The following SPATA16 variants were observed in gnomAD, a reference collection of about 807,000 sequenced individuals.
SPATA16 encodes spermatogenesis associated 16, also known as spermatogenesis-associated protein 16.
SPATA16 carries 36 observed loss-of-function variants against 63.3 expected under a neutral mutation model. The observed-to-expected ratio is 0.57, with a 90% CI of 0.44 to 0.75. SPATA16 has a LOEUF of 0.75. Among genes scored for constraint, SPATA16 ranks in the 30% least tolerant of loss-of-function variants. SPATA16 has a pLI of 0.00. For synonymous variants in SPATA16, 203 were observed against 216.7 expected (o/e 0.94, Z 0.56); for missense variants, 646 against 679.3 (o/e 0.95, Z 0.54).
At chr3:172,972,589 G>A (rs1734072178) in intron 5 of SPATA16, among the ~76,000 whole-genome samples, 1 of 152,174 alleles carries the variant, frequency 6.6e-6, no homozygotes, top group African/African-American at 2.4e-5. Context: ...GCTTTGTAAT[G>A]GCTGATACCT....
chr3:173,075,799 G>A (rs1736787599), intron 2 of SPATA16, among the ~76,000 whole-genome samples: 1 of 152,090 alleles, frequency 6.6e-6, no homozygotes, highest in Non-Finnish European at 1.5e-5. Flanking sequence ...AGGATAAAGA[G>A]GGATGGTTAG....
At chr3:173,046,814 A>G (rs1285360991) in intron 3 of SPATA16, among the ~76,000 whole-genome samples, 1 of 152,008 alleles carries the variant, frequency 6.6e-6, no homozygotes, top group Non-Finnish European at 1.5e-5. Flanking sequence ...TATTAAAATC[A>G]TATGTATTGA....
At chr3:173,105,835 T>TTC (rs1737610347) in intron 2 of SPATA16, among the ~76,000 whole-genome samples, 1 of 151,874 alleles carries the variant, frequency 6.6e-6, no homozygotes, top group Middle Eastern at 3.4e-3. Flanking sequence ...CTTCTTTCCT[T>TTC]TCTCTCTCTC....
At chr3:173,028,036 TTCCTTCCTTC>T in intron 3 of SPATA16, among the ~76,000 whole-genome samples, 1 of 99,090 alleles carries the variant, frequency 1.0e-5, no homozygotes, top group Middle Eastern at 4.8e-3. Context: ...CCTTCCTTCC[TTCCTTCCTTC>T]CTTCCTTCCT....
At chr3:172,893,181 A>C (rs1731929535) in intron 10 of SPATA16, among the ~76,000 whole-genome samples, 1 of 152,220 alleles carries the variant, frequency 6.6e-6, no homozygotes, top group African/African-American at 2.4e-5. Flanking sequence ...CATAACCCCC[A>C]GTACTTTAGA....
intron 3 of SPATA16, among the ~76,000 whole-genome samples, chr3:173,027,917 G>T (rs1735488584): frequency 6.7e-6 from 1 of 148,672 alleles, no homozygotes; most frequent in Admixed American, 6.9e-5. Flanking sequence ...CACTACCCCA[G>T]GTACTTTAGA....
At chr3:172,974,446 C>T (rs965836754) in intron 5 of SPATA16, among the ~76,000 whole-genome samples, 96 of 151,900 alleles carry the variant, frequency 6.3e-4, no homozygotes, top group African/African-American at 2.2e-3. Context: ...GGTAGTGGGG[C>T]ATATGTATCT....
At chr3:173,104,708 G>A (rs1382102710) in intron 2 of SPATA16, among the ~76,000 whole-genome samples, 2 of 152,160 alleles carry the variant, frequency 1.3e-5, no homozygotes, top group South Asian at 4.1e-4. Context: ...GAGATTTGGA[G>A]GGGACATCCA....
intron 2 of SPATA16, among the ~76,000 whole-genome samples, chr3:173,100,428 A>C (rs563255620): frequency 5.9e-5 from 9 of 152,244 alleles, no homozygotes; most frequent in South Asian, 2.1e-4. Context: ...AACAAAAAAA[A>C]CCAGCTGGTG....
At chr3:172,948,101 T>C (rs1268181019) in intron 6 of SPATA16, among the ~76,000 whole-genome samples, 1 of 152,028 alleles carries the variant, frequency 6.6e-6, no homozygotes, top group Non-Finnish European at 1.5e-5. Context: ...TTTCCAAACC[T>C]AGAGAAAAAT....
At chr3:173,078,372 G>A (rs561606618) in intron 2 of SPATA16, among the ~76,000 whole-genome samples, 151 of 152,118 alleles carry the variant, frequency 9.9e-4, no homozygotes, top group African/African-American at 3.4e-3. Context: ...GACTCTTAAC[G>A]GTCAATGGCA....
At chr3:172,904,222 GATA>G (rs1343382744) in intron 10 of SPATA16, among the ~76,000 whole-genome samples, 1 of 152,164 alleles carries the variant, frequency 6.6e-6, no homozygotes, top group Non-Finnish European at 1.5e-5. Flanking sequence ...AATAATAACT[GATA>G]ATATCTGTCA....
chr3:173,063,745 TAAATG>T (rs1275548805), intron 2 of SPATA16, among the ~76,000 whole-genome samples: 1 of 152,200 alleles, frequency 6.6e-6, no homozygotes, highest in Non-Finnish European at 1.5e-5. Flanking sequence ...TCATTTTGCT[TAAATG>T]TAAGTGGGGA....
chr3:172,953,983 T>A (rs1470758683), intron 6 of SPATA16, among the ~76,000 whole-genome samples: 4 of 152,224 alleles, frequency 2.6e-5, no homozygotes, highest in African/African-American at 9.6e-5. Flanking sequence ...TTTGCACACA[T>A]CTGCTGTGTG....
chr3:173,008,012 A>G (rs1734981850), intron 4 of SPATA16, among the ~76,000 whole-genome samples: 1 of 152,200 alleles, frequency 6.6e-6, no homozygotes, highest in East Asian at 1.9e-4. Flanking sequence ...TTTTTATTTT[A>G]GCAAGAATTG....
chr3:173,095,491 T>C (rs528009317), intron 2 of SPATA16, among the ~76,000 whole-genome samples: 1 of 152,226 alleles, frequency 6.6e-6, no homozygotes, highest in African/African-American at 2.4e-5. Flanking sequence ...TAAATTTCCA[T>C]TTTTTTACAG....
chr3:173,062,081 A>G (rs1022325097), intron 2 of SPATA16, among the ~76,000 whole-genome samples: 1 of 136,192 alleles, frequency 7.3e-6, no homozygotes, highest in African/African-American at 2.7e-5. Flanking sequence ...AGGTAGCCTT[A>G]AAATAGAGGT....
intron 3 of SPATA16, among the ~76,000 whole-genome samples, chr3:173,039,913 G>A (rs1469261706): frequency 2.0e-5 from 3 of 152,088 alleles, no homozygotes; most frequent in African/African-American, 7.2e-5. Flanking sequence ...TATAAACAGA[G>A]TGTGATCCCT....
In SPATA16 at chr3:173,137,822, A is replaced by AACACACACACACAC. The variant is rs1185263699; in HGVS notation, c.-19+3267_-19+3280dup. Among the ~76,000 whole-genome samples the AACACACACACACAC allele has an allele frequency of 5.8e-3, 713 of 122,276 alleles. 13 individuals are homozygous for AACACACACACACAC. The highest frequency in any genetic ancestry group is 0.02 in the East Asian group (78 of 3,946). 80.2% of individuals were successfully genotyped at this position (122,276 alleles called of 152,430 possible). A position where few individuals can be genotyped will look rare whatever the true frequency, so the allele number is the denominator to read the frequency against. Reference sequence around the variant, plus strand: ...TCTGAGGGGGATCCCATGGACTCTCAACACACACACACACACACACACACA... The same window carrying AACACACACACACAC: ...TCTGAGGGGGATCCCATGGACTCTCAACACACACACACACACACACACACACACACACACACACA... On this transcript the variant is annotated intron_variant, in intron 1 of 10. Coordinates refer to ENST00000351008, the MANE Select transcript of SPATA16 (RefSeq NM_031955.6).
Sources: allele counts gnomAD v4.1 joint callset (sites outside exome capture counted in the v4.1 genomes callset), GRCh38; gene constraint gnomAD v4.1.1; transcripts MANE v1.5; gene names NCBI Gene and HGNC (gene_info 2026-07-23, HGNC 2026-07-21).